Variants in TSC22D2 observed in about 807,000 individuals in gnomAD.
TSC22D2 encodes the protein TSC22 domain family protein 2.
TSC22D2 carries 5 observed loss-of-function variants against 50.1 expected under a neutral mutation model. That is an observed-to-expected ratio of 0.10 (90% confidence interval 0.05 to 0.21). The LOEUF (loss-of-function observed/expected upper bound fraction) is 0.21. Ranked by LOEUF, TSC22D2 falls within the 10% of genes least tolerant of loss-of-function variation. The probability of loss-of-function intolerance (pLI) is 1.00; values close to 1 mark genes in which losing one functional copy is unlikely to be tolerated. For synonymous variants in TSC22D2, 501 were observed against 450.1 expected (o/e 1.11, Z -1.43); for missense variants, 1,003 against 1,015.5 (o/e 0.99, Z 0.17).
At position 150,463,012 on chromosome 3, in the gene TSC22D2, C is replaced by G. The variant is rs1721461601; in HGVS notation, c.*4376C>G. Reference sequence around the variant, plus strand: ...ACTTGAAAGTTTGACTCGGTCTTTTCCTTCCAACAGTTATAAATCTGTGAA... The same window carrying G: ...ACTTGAAAGTTTGACTCGGTCTTTTGCTTCCAACAGTTATAAATCTGTGAA... On this transcript the variant is annotated 3_prime_UTR_variant, in exon 3 of 3. Transcript: ENST00000688009. 1 of 152,216 alleles carries G rather than the reference C, an allele frequency of 6.6e-6. No individual in the cohort carries two copies. Among genetic ancestry groups the G allele is most frequent in the Admixed American group, 6.5e-5 (1 of 15,280 alleles). The allele number at this position is 152,216 out of a possible 1,614,324, so 9.4% of individuals were successfully genotyped here. A position where few individuals can be genotyped will look rare whatever the true frequency, so the allele number is the denominator to read the frequency against.
chr3:150,422,194 GT>G (rs906498992), intron 1 of TSC22D2, among the ~76,000 whole-genome samples: 4 of 152,214 alleles, frequency 2.6e-5, no homozygotes, highest in African/African-American at 9.6e-5. Flanking sequence ...ATGTGGCAAA[GT>G]TTTTTTGGCT....
chr3:150,457,531 G>A (rs1183315802), intron 2 of TSC22D2, among the ~76,000 whole-genome samples: 2 of 152,174 alleles, frequency 1.3e-5, no homozygotes, highest in African/African-American at 2.4e-5. Flanking sequence ...ACAGTGGATT[G>A]TGTCTGTAAT....
At chr3:150,417,789 T>C (rs1167767173) in intron 1 of TSC22D2, among the ~76,000 whole-genome samples, 1 of 152,106 alleles carries the variant, frequency 6.6e-6, no homozygotes, top group Admixed American at 6.5e-5. Context: ...GAATCTTCCA[T>C]TTTAATATGA....
intron 1 of TSC22D2, among the ~76,000 whole-genome samples, chr3:150,412,575 T>C (rs1400987580): frequency 6.6e-6 from 1 of 152,260 alleles, no homozygotes; most frequent in Non-Finnish European, 1.5e-5. Flanking sequence ...ATTCATCTTC[T>C]CTGCTTTTTG....
chr3:150,466,302 A>G lies in TSC22D2; in HGVS notation c.*7666A>G, dbSNP rs1721543630. On this transcript the variant is annotated 3_prime_UTR_variant, in exon 3 of 3. Transcript: ENST00000688009. ...GAGAAGGTCTGGAAGGATACTAACC[A>G]AACTGTCAACAGTAGTTTGGTAGCG... 1 of 152,200 alleles carries G rather than the reference A, an allele frequency of 6.6e-6. No individual in the cohort carries two copies. Among genetic ancestry groups the G allele is most frequent in the Non-Finnish European group, 1.5e-5 (1 of 68,040 alleles). The allele number at this position is 152,200 out of a possible 1,614,324, so 9.4% of individuals were successfully genotyped here. A position where few individuals can be genotyped will look rare whatever the true frequency, so the allele number is the denominator to read the frequency against.
At chr3:150,433,405 C>G (rs967252859) in intron 1 of TSC22D2, among the ~76,000 whole-genome samples, 1 of 152,172 alleles carries the variant, frequency 6.6e-6, no homozygotes, top group South Asian at 2.1e-4. Context: ...TCCATAGTAG[C>G]TACGTATTTT....
intron 1 of TSC22D2, among the ~76,000 whole-genome samples, chr3:150,421,214 G>A (rs115352762): frequency 0.013 from 1,921 of 152,182 alleles, 53 homozygotes; most frequent in African/African-American, 0.044. Flanking sequence ...TTATTCTTTT[G>A]TATATACTAC....
Position 150,409,644 on chromosome 3 carries a change from T to G in TSC22D2, c.294T>G (p.Ala98=). 6.8e-6 allele frequency: 11 copies of G among 1,607,670 alleles called. No individual in the cohort carries two copies. The highest frequency in any genetic ancestry group is 9.3e-6 in the Non-Finnish European group (11 of 1,177,018). ...LLLDGQLAAA[A]AAPANGGGVV... is the part of the protein sequence containing the mutation. ...TAGATGGGCAGCTGGCAGCGGCGGC[T>G]GCTGCTCCCGCCAACGGAGGAGGAG... Residue 98 remains alanine, a synonymous_variant, in exon 1 of 3, where the codon GCT becomes GCG. Transcript: ENST00000688009. This position sits in a 1 kb window ranked among gnomAD's most constrained non-coding sequence, Gnocchi z 7.4.
chr3:150,438,978 C>T (rs1484403542), intron 1 of TSC22D2, among the ~76,000 whole-genome samples: 1 of 151,956 alleles, frequency 6.6e-6, no homozygotes, highest in Non-Finnish European at 1.5e-5. Flanking sequence ...TTGTTTTGTG[C>T]AGTTTCTTAT....
chr3:150,419,060 A>G (rs1225970523), intron 1 of TSC22D2, among the ~76,000 whole-genome samples: 1 of 152,080 alleles, frequency 6.6e-6, no homozygotes, highest in Non-Finnish European at 1.5e-5. Flanking sequence ...TTTGATTTAT[A>G]GGTAGCATAA....
At chr3:150,425,024 A>G (rs1329680829) in intron 1 of TSC22D2, among the ~76,000 whole-genome samples, 1 of 152,228 alleles carries the variant, frequency 6.6e-6, no homozygotes, top group East Asian at 1.9e-4. Context: ...ATCAGCTAAT[A>G]AAGTATCATG....
intron 1 of TSC22D2, among the ~76,000 whole-genome samples, chr3:150,431,063 A>G (rs1720362387): frequency 6.6e-6 from 1 of 151,804 alleles, no homozygotes; most frequent in Non-Finnish European, 1.5e-5. Context: ...CATCTCTACT[A>G]AAAATACAAA....
intron 1 of TSC22D2, among the ~76,000 whole-genome samples, chr3:150,423,910 T>A (rs1720091620): frequency 6.6e-6 from 1 of 152,200 alleles, no homozygotes; most frequent in Non-Finnish European, 1.5e-5. Flanking sequence ...CTTTTAACTC[T>A]GCCTGGCAAC....
At chr3:150,456,901 G>C in intron 1 of TSC22D2, 175 bp from the exon 2 acceptor site, 1 of 603,310 alleles carries the variant, frequency 1.7e-6, no homozygotes, top group Non-Finnish European at 2.9e-6. Flanking sequence ...TATTTACTGA[G>C]ACTTTCATTT....
intron 1 of TSC22D2, chr3:150,423,127 A>G (rs759354291): frequency 6.2e-7 from 1 of 1,604,396 alleles, no homozygotes; most frequent in Non-Finnish European, 8.5e-7. Context: ...ATAGGTATGA[A>G]TACTTACATA....
intron 1 of TSC22D2, among the ~76,000 whole-genome samples, chr3:150,441,958 G>A (rs1405159641): frequency 1.3e-5 from 2 of 152,098 alleles, no homozygotes; most frequent in Non-Finnish European, 2.9e-5. Flanking sequence ...TCTCATAGCT[G>A]GTTAATCACA....
chr3:150,432,572 G>T (rs59185841), intron 1 of TSC22D2, among the ~76,000 whole-genome samples: 3,710 of 150,044 alleles, frequency 0.025, 157 homozygotes, highest in African/African-American at 0.085. Flanking sequence ...AAATTCTATT[G>T]AAGAGCTTTT....
At chr3:150,428,664 G>A (rs768601991) in intron 1 of TSC22D2, among the ~76,000 whole-genome samples, 44 of 151,696 alleles carry the variant, frequency 2.9e-4, no homozygotes, top group African/African-American at 9.4e-4. Context: ...GCAAGTGACA[G>A]TGCTGCCACA....
intron 1 of TSC22D2, among the ~76,000 whole-genome samples, chr3:150,451,217 C>A (rs959522710): frequency 6.6e-6 from 1 of 152,176 alleles, no homozygotes; most frequent in East Asian, 1.9e-4. Context: ...TTGAGTAAAG[C>A]AAGGCATTTA....
Sources: allele counts gnomAD v4.1 joint callset (sites outside exome capture counted in the v4.1 genomes callset), GRCh38; gene constraint gnomAD v4.1.1; non-coding constraint Gnocchi (gnomAD v3.1); transcripts MANE v1.5; gene names NCBI Gene and HGNC (gene_info 2026-07-23, HGNC 2026-07-21).